Variants in CFAP44 observed in about 807,000 individuals in gnomAD.
CFAP44 encodes cilia- and flagella-associated protein 44.
Under a neutral mutation model 216.2 loss-of-function variants are expected in CFAP44, and 134 were observed. That is an observed-to-expected ratio of 0.62 (90% CI 0.54 to 0.72). The LOEUF is 0.72. Ranked by LOEUF, CFAP44 falls within the 30% of genes least tolerant of loss-of-function variation. CFAP44 has a pLI of 0.00. For missense variants in CFAP44, 2,035 were observed against 2,182.1 expected (o/e 0.93, Z 1.34); for synonymous variants, 700 against 727.6 (o/e 0.96, Z 0.61).
At chr3:113,363,887 G>A (rs1162037467) in intron 19 of CFAP44, among the ~76,000 whole-genome samples, 1 of 152,028 alleles carries the variant, frequency 6.6e-6, no homozygotes, top group African/African-American at 2.4e-5. Context: ...TCAAAATGCT[G>A]TTTTTCAGTA....
chr3:113,371,243 A>G (rs187588765), intron 18 of CFAP44, among the ~76,000 whole-genome samples: 19 of 152,200 alleles, frequency 1.2e-4, no homozygotes, highest in Admixed American at 1.2e-3. Flanking sequence ...TAAACTTCAT[A>G]TGGAGCCAAA....
At chr3:113,392,504 G>A (rs944356261) in intron 15 of CFAP44, among the ~76,000 whole-genome samples, 9 of 152,104 alleles carry the variant, frequency 5.9e-5, no homozygotes, top group East Asian at 1.9e-4. Flanking sequence ...TAGCACAACC[G>A]GGAGATTATA....
At chr3:113,315,869 C>T (rs1196110926) in intron 28 of CFAP44, among the ~76,000 whole-genome samples, 1 of 152,160 alleles carries the variant, frequency 6.6e-6, no homozygotes, top group East Asian at 1.9e-4. Context: ...ATTCTGAAGC[C>T]AAGCTAAGCT....
At chr3:113,364,295 T>C (rs1207854067) in intron 19 of CFAP44, among the ~76,000 whole-genome samples, 1 of 152,164 alleles carries the variant, frequency 6.6e-6, no homozygotes. Flanking sequence ...CTATTCTCTT[T>C]CACAGAAGAT....
intron 28 of CFAP44, among the ~76,000 whole-genome samples, chr3:113,325,979 C>A (rs28662393): frequency 6.6e-6 from 1 of 151,898 alleles, no homozygotes; most frequent in South Asian, 2.1e-4. Context: ...AATGATACTA[C>A]AGTAAATGAA....
intron 27 of CFAP44, among the ~76,000 whole-genome samples, chr3:113,327,087 T>C (rs901888813): frequency 1.3e-5 from 2 of 152,276 alleles, no homozygotes; most frequent in African/African-American, 2.4e-5. Flanking sequence ...ATCTGTTTAA[T>C]AGAATCTTTC....
chr3:113,318,957 C>T, intron 28 of CFAP44, among the ~76,000 whole-genome samples: 1 of 144,728 alleles, frequency 6.9e-6, no homozygotes. Flanking sequence ...AATAAAAAAA[C>T]AAAAAAAAAC....
At chr3:113,379,130 T>A (rs895056941) in intron 17 of CFAP44, among the ~76,000 whole-genome samples, 176 bp downstream of exon 17, 2 of 152,078 alleles carry the variant, frequency 1.3e-5, no homozygotes, top group Non-Finnish European at 2.9e-5. Flanking sequence ...AAAACAACTA[T>A]ATCCCACATT....
intron 28 of CFAP44, among the ~76,000 whole-genome samples, chr3:113,324,746 G>T (rs1281633144): frequency 1.3e-5 from 2 of 152,042 alleles, no homozygotes; most frequent in Admixed American, 1.3e-4. Context: ...AATGAAATAG[G>T]CATCCTGATC....
In CFAP44 at chr3:113,433,655, G is replaced by A; in HGVS notation, c.10C>T (p.Pro4Ser). ...TCCCCATCAGTATCCTGATCATCTG[G>A]TTCCTTCATTTCCTCTGTAAGTACA... Reference protein sequence around the residue: MKEPDDQDTDGEKS... With the variant: MKESDDQDTDGEKS... The change falls in exon 2 of 35, where the codon CCA becomes TCA. Residue 4 changes from proline (P) to serine (S), a missense_variant. Coordinates refer to ENST00000393845, the MANE Select transcript of CFAP44 (RefSeq NM_001164496.2). The A allele has an allele frequency of 6.2e-7, 1 of 1,612,476 alleles. No individual in the cohort carries two copies. The highest frequency in any genetic ancestry group is 1.1e-5 in the South Asian group (1 of 91,040).
chr3:113,412,579 T>C (rs1934517035), intron 6 of CFAP44, among the ~76,000 whole-genome samples: 1 of 152,130 alleles, frequency 6.6e-6, no homozygotes, highest in East Asian at 1.9e-4. Context: ...TGTGTCCATG[T>C]GTTCTCAATC....
chr3:113,312,880 T>G (rs552446550), intron 28 of CFAP44, among the ~76,000 whole-genome samples: 33 of 152,116 alleles, frequency 2.2e-4, no homozygotes, highest in Admixed American at 2.0e-3. Flanking sequence ...AGAGGATGTA[T>G]GGAAATGCCT....
At chr3:113,427,018 T>G in intron 3 of CFAP44, 169 bp downstream of exon 3, 2 of 659,094 alleles carry the variant, frequency 3.0e-6, no homozygotes, top group South Asian at 4.1e-5. Context: ...AAACCACAAG[T>G]CTAGGGCTGC....
chr3:113,397,629 T>C (rs1250611201), intron 13 of CFAP44, among the ~76,000 whole-genome samples: 3 of 152,176 alleles, frequency 2.0e-5, no homozygotes, highest in East Asian at 1.9e-4. Flanking sequence ...AGGGGAACTA[T>C]TGGTCTGAGG....
chr3:113,401,638 A>T lies in CFAP44; in HGVS notation c.1272T>A (p.Asn424Lys). 1 of 1,613,526 alleles carries T rather than the reference A, an allele frequency of 6.2e-7. No homozygotes were observed. The highest frequency in any genetic ancestry group is 8.5e-7 in the Non-Finnish European group (1 of 1,179,708). The part of the protein sequence containing the change: ...INELQVDKNV[N>K]LFSMIKMNET... ...CATTCATTTTTATCATAGAGAAGAG[A>T]TTCACATTCTTGTCTACTTGAAGTT... Residue 424 changes from asparagine (N) to lysine (K), a missense_variant, in exon 10 of 35, where the codon AAT (asparagine) becomes AAA (lysine). By Grantham distance (94) the Asn-to-Lys change is moderately conservative (BLOSUM62 0). This residue lies in a region of CFAP44 where 1,883 missense variants were observed against 2,023.7 expected (regional missense o/e 0.93). Coordinates refer to ENST00000393845, the MANE Select transcript of CFAP44 (RefSeq NM_001164496.2).
rs765511584 is a variant in CFAP44, at chr3:113,403,937, C to G, written c.1085G>C (p.Ser362Thr). Residue 362 changes from serine (S) to threonine (T), a missense_variant, in exon 9 of 35, where the codon AGC becomes ACC. Coordinates refer to ENST00000393845, the MANE Select transcript of CFAP44 (RefSeq NM_001164496.2). ...LIKVELCRGTSKSCHNGPINQ... is the reference protein window; with the variant it reads ...LIKVELCRGTTKSCHNGPINQ... ...AATGGGACCATTGTGACATGACTTG[C>G]TTGTCCCTCGACAGAGCTCCACTTT... 91 of 1,614,068 alleles carry G rather than the reference C, an allele frequency of 5.6e-5. No homozygotes were observed. In the Admixed American group the frequency reaches 1.5e-3, roughly 26 times the overall value.
Position 113,330,560 on chromosome 3 carries a change from G to C in CFAP44, c.3724C>G (p.Gln1242Glu). 2 of 1,537,178 alleles carry C rather than the reference G, an allele frequency of 1.3e-6. No individual in the cohort carries two copies. The highest frequency in any genetic ancestry group is 1.2e-5 in the South Asian group (1 of 84,058). Residue 1242 changes from glutamine (Q) to glutamate (E), a missense_variant, in exon 26 of 35, where the codon CAG (glutamine) becomes GAG (glutamate). Gln to Glu is a conservative substitution (Grantham distance 29). Around this residue, in one of 3 missense-constraint regions of CFAP44, gnomAD observed 1,883 missense variants for 2,023.7 expected, o/e 0.93. Transcript: ENST00000393845. Reference sequence around the variant, plus strand: ...TGCTTGGATATGTGAAGAGTCGACTGAATGTTCTTCAGTTCTTGTACCAGG... The same window carrying C: ...TGCTTGGATATGTGAAGAGTCGACTCAATGTTCTTCAGTTCTTGTACCAGG... Reference protein sequence around the residue: ...QCLVQELKNIQSTLHISKHIP... With the variant: ...QCLVQELKNIESTLHISKHIP...
At chr3:113,340,995 G>T (rs929547283) in intron 24 of CFAP44, among the ~76,000 whole-genome samples, 1 of 152,080 alleles carries the variant, frequency 6.6e-6, no homozygotes. Context: ...TCGTCCCACT[G>T]GTCAATGGCC....
intron 1 of CFAP44, chr3:113,434,969 T>C (rs1935200395): frequency 1.3e-5 from 2 of 152,198 alleles, no homozygotes; most frequent in Non-Finnish European, 2.9e-5. Flanking sequence ...TAGGGTTCAT[T>C]CCATGTTTTC....
Sources: allele counts gnomAD v4.1 joint callset (sites outside exome capture counted in the v4.1 genomes callset), GRCh38; gene constraint gnomAD v4.1.1; regional missense constraint gnomAD v4.1.1; transcripts MANE v1.5; gene names NCBI Gene and HGNC (gene_info 2026-07-23, HGNC 2026-07-21).